Variants in TMEM232 observed in about 807,000 individuals in gnomAD.
TMEM232 encodes transmembrane protein 232.
In TMEM232, 80 loss-of-function variants were observed where a neutral mutation model predicts 78.8. The observed-to-expected ratio is 1.01, with a 90% confidence interval of 0.85 to 1.22. The LOEUF (loss-of-function observed/expected upper bound fraction) is 1.22, where lower values mean the gene tolerates loss of function less well. Among genes scored for constraint, TMEM232 ranks in the 50% most tolerant of loss-of-function variants. TMEM232 has a pLI of 0.00. For missense variants in TMEM232, 881 were observed against 742.2 expected (o/e 1.19, Z -2.17); for synonymous variants, 297 against 254.3 (o/e 1.17, Z -1.60).
chr5:110,568,828 T>C (rs1776615614), intron 10 of TMEM232, among the ~76,000 whole-genome samples: 1 of 151,944 alleles, frequency 6.6e-6, no homozygotes, highest in Non-Finnish European at 1.5e-5. Flanking sequence ...TTAAAATTTC[T>C]AACCACATGA....
intron 11 of TMEM232, among the ~76,000 whole-genome samples, chr5:110,540,712 G>C (rs10072834): frequency 0.029 from 4,400 of 152,224 alleles, 217 homozygotes; most frequent in African/African-American, 0.1. Context: ...TGGCACATTA[G>C]CACAAAAGGC....
intron 12 of TMEM232, among the ~76,000 whole-genome samples, chr5:110,472,722 G>T (rs1272882440): frequency 6.6e-6 from 1 of 151,752 alleles, no homozygotes; most frequent in Non-Finnish European, 1.5e-5. Flanking sequence ...ACATAAAAAT[G>T]AATACATAGA....
chr5:110,674,030 G>A lies in TMEM232; in HGVS notation c.-12-6666C>T, dbSNP rs148793394. Among the ~76,000 whole-genome samples, 996 of 145,296 alleles carry A rather than the reference G, an allele frequency of 6.9e-3. 26 individuals are homozygous for A. Among genetic ancestry groups the A allele is most frequent in the Admixed American group, 0.036 (529 of 14,524 alleles). On this transcript the variant is annotated intron_variant, in intron 1 of 13. Transcript: ENST00000455884. ...AGCAGTCTGAGGAAAAAAAAAATTC[G>A]TTTTCCAACTCCAACACAAACTACA...
In TMEM232 at chr5:110,528,728, G is replaced by C; in HGVS notation, c.1563C>G (p.Asn521Lys). 6.5e-7 allele frequency: 1 copy of C among 1,534,680 alleles called. No individual in the cohort carries two copies. Among genetic ancestry groups the C allele is most frequent in the Non-Finnish European group, 8.7e-7 (1 of 1,146,220 alleles). Residue 521 changes from asparagine (N) to lysine (K), a missense_variant, in exon 12 of 14, where the codon AAC becomes AAG. By Grantham distance (94) the Asn-to-Lys change is moderately conservative. Coordinates refer to ENST00000455884, the MANE Select transcript of TMEM232 (RefSeq NM_001039763.4). ...GGGGAAAGAATAGTTTGGAAAGAGT[G>C]TTGGCAATTCTCCACCCAATATATT... ...FSKYIGWRIA[N>K]TLSKLFFPPI...
Position 110,638,223 on chromosome 5 carries a change from T to C in TMEM232, c.476A>G (p.Tyr159Cys), listed in dbSNP as rs1786159030. Residue 159 changes from tyrosine (Y) to cysteine (C), a missense_variant, in exon 5 of 14, where the codon TAT (tyrosine) becomes TGT (cysteine). Tyr to Cys is a radical substitution (Grantham distance 194). Coordinates refer to ENST00000455884, the MANE Select transcript of TMEM232 (RefSeq NM_001039763.4). ...CCDASLKTYL[Y>C]SVEIKLAKIG... ...CTTTGCTAGCTTTATTTCAACTGAATATAAATATGTTTTGAGGGATGCATC... is the reference window on the plus strand; with the variant it reads ...CTTTGCTAGCTTTATTTCAACTGAACATAAATATGTTTTGAGGGATGCATC... 5 of 1,544,868 alleles carry C rather than the reference T, an allele frequency of 3.2e-6. No individual in the cohort carries two copies. The African/African-American group carries it at 5.5e-5, about 17-fold the overall frequency.
rs562090269 is a variant in TMEM232 at position 110,631,460 on chromosome 5, C to T, written c.502-3580G>A. Among the ~76,000 whole-genome samples, 4 of 152,228 alleles carry T rather than the reference C, an allele frequency of 2.6e-5. No homozygotes were observed. In the South Asian group the frequency reaches 6.2e-4, roughly 24 times the overall value. On this transcript the variant is annotated intron_variant, in intron 5 of 13. Coordinates refer to ENST00000455884, the MANE Select transcript of TMEM232 (RefSeq NM_001039763.4). ...GCTATCTGGGGCTGAGGGCAGTGAC[C>T]CCACTTCCACTGGTGGAGTGGCCTC...
intron 1 of TMEM232, among the ~76,000 whole-genome samples, chr5:110,714,458 T>C (rs1184913184): frequency 1.3e-5 from 2 of 152,198 alleles, no homozygotes; most frequent in Non-Finnish European, 1.5e-5. Flanking sequence ...TATAGCCCAC[T>C]CGAGGACATA....
At chr5:110,447,678 T>G (rs927809084) in intron 12 of TMEM232, among the ~76,000 whole-genome samples, 2 of 152,102 alleles carry the variant, frequency 1.3e-5, no homozygotes, top group Admixed American at 1.3e-4. Context: ...TTATAATATT[T>G]ATAAAATAGG....
At chr5:110,596,380 C>T (rs563773193) in intron 10 of TMEM232, among the ~76,000 whole-genome samples, 5 of 152,084 alleles carry the variant, frequency 3.3e-5, no homozygotes, top group Non-Finnish European at 5.9e-5. Context: ...CAATAGCTTA[C>T]CAACCAAAAA....
At chr5:110,526,949 A>G (rs1770696957) in intron 12 of TMEM232, among the ~76,000 whole-genome samples, 2 of 151,970 alleles carry the variant, frequency 1.3e-5, no homozygotes, top group South Asian at 4.1e-4. Flanking sequence ...CAAATGCAAG[A>G]TGCCAAATAT....
chr5:110,457,872 AGAT>A (rs1761065783), intron 12 of TMEM232, among the ~76,000 whole-genome samples: 1 of 152,124 alleles, frequency 6.6e-6, no homozygotes, highest in South Asian at 2.1e-4. Flanking sequence ...CAAATATCAT[AGAT>A]AATAATATAT....
At chr5:110,404,151 T>C (rs1755704579) in intron 2 of TMEM232, among the ~76,000 whole-genome samples, 1 of 152,084 alleles carries the variant, frequency 6.6e-6, no homozygotes, top group Non-Finnish European at 1.5e-5. Flanking sequence ...GATGTATAAA[T>C]TTAATTTTGA....
At chr5:110,456,953 T>G (rs987763115) in intron 12 of TMEM232, among the ~76,000 whole-genome samples, 1 of 152,108 alleles carries the variant, frequency 6.6e-6, no homozygotes. Flanking sequence ...AAATTCTTTT[T>G]GGGTTAGGCA....
At chr5:110,426,393 G>A (rs1050469842) in intron 12 of TMEM232, among the ~76,000 whole-genome samples, 1 of 151,990 alleles carries the variant, frequency 6.6e-6, no homozygotes, top group African/African-American at 2.4e-5. Context: ...GATATTTAAT[G>A]AATGTTTGTA....
At chr5:110,736,344 C>T (rs1297907380) in intron 1 of TMEM232, among the ~76,000 whole-genome samples, 1 of 152,020 alleles carries the variant, frequency 6.6e-6, no homozygotes, top group Non-Finnish European at 1.5e-5. Flanking sequence ...ACCAAATTTG[C>T]TCTAATTTTT....
intron 2 of TMEM232, among the ~76,000 whole-genome samples, chr5:110,403,016 G>A (rs576363484): frequency 3.4e-4 from 52 of 152,080 alleles, no homozygotes; most frequent in Admixed American, 3.3e-3. Context: ...AAGACAACAA[G>A]AAATAAGAAA....
At chr5:110,453,134 T>C (rs999081516) in intron 12 of TMEM232, among the ~76,000 whole-genome samples, 3 of 152,128 alleles carry the variant, frequency 2.0e-5, no homozygotes, top group Non-Finnish European at 4.4e-5. Flanking sequence ...AAGAGAATGT[T>C]TATCTTAGAA....
chr5:110,607,675 G>C lies in TMEM232; in HGVS notation c.903-1388C>G, dbSNP rs56133854. ...GACTGCCTAGACTCCCTTGAAGCTT[G>C]GAATAGCCATACAGTGCAGATTGGT... On this transcript the variant is annotated intron_variant, in intron 8 of 13. Coordinates refer to ENST00000455884, the MANE Select transcript of TMEM232 (RefSeq NM_001039763.4). 7.7e-3 allele frequency among the ~76,000 whole-genome samples: 1,171 copies of C among 152,008 alleles called. 18 individuals carry two copies. Among genetic ancestry groups the C allele is most frequent in the African/African-American group, 0.027 (1,125 of 41,516 alleles).
chr5:110,658,038 G>C (rs1420312356), intron 2 of TMEM232, among the ~76,000 whole-genome samples: 1 of 152,132 alleles, frequency 6.6e-6, no homozygotes, highest in Non-Finnish European at 1.5e-5. Flanking sequence ...TATTACGTTT[G>C]AATGTTTGAG....
Sources: gnomAD v4.1 joint callset for allele counts (sites outside exome capture counted in the v4.1 genomes callset) on GRCh38, gnomAD v4.1.1 for gene constraint, MANE v1.5 for transcripts, NCBI Gene and HGNC (gene_info 2026-07-23, HGNC 2026-07-21) for gene names.